CACNG2: variants seen among roughly 807,000 people sequenced by gnomAD.
CACNG2 encodes voltage-dependent calcium channel gamma-2 subunit.
In CACNG2, 3 loss-of-function variants were observed where a neutral mutation model predicts 25.9. The observed-to-expected ratio is 0.12, with a 90% confidence interval of 0.05 to 0.30. The LOEUF (loss-of-function observed/expected upper bound fraction) is 0.30, where lower values mean the gene tolerates loss of function less well. Ranked by LOEUF, CACNG2 falls within the 10% of genes least tolerant of loss-of-function variation. The pLI, the probability that CACNG2 is intolerant of heterozygous loss-of-function variation, is 1.00. For synonymous variants in CACNG2, 167 were observed against 173.3 expected, an observed-to-expected ratio of 0.96 and a Z score of 0.29; for missense variants, 341 against 432.5, an observed-to-expected ratio of 0.79 and a Z score of 1.88.
At chr22:36,594,650 T>C (rs181245058) in intron 1 of CACNG2, among the ~76,000 whole-genome samples, 106 of 152,132 alleles carry the variant, frequency 7.0e-4, no homozygotes, top group African/African-American at 2.4e-3. Flanking sequence ...GAAGTCAGCC[T>C]GATGAAGCAG....
chr22:36,642,735 TCTC>T (rs1272550167), intron 1 of CACNG2, among the ~76,000 whole-genome samples: 1 of 152,136 alleles, frequency 6.6e-6, no homozygotes, highest in African/African-American at 2.4e-5. Context: ...CACTGAAACT[TCTC>T]CTGCAGCTCG....
intron 1 of CACNG2, among the ~76,000 whole-genome samples, chr22:36,618,605 G>C (rs1936060322): frequency 6.6e-6 from 1 of 152,216 alleles, no homozygotes; most frequent in Non-Finnish European, 1.5e-5. Flanking sequence ...AGAGACAACA[G>C]AATGGCCTGC....
At chr22:36,581,952 C>G (rs984526028) in intron 2 of CACNG2, among the ~76,000 whole-genome samples, 3 of 152,192 alleles carry the variant, frequency 2.0e-5, no homozygotes, top group African/African-American at 7.2e-5. Flanking sequence ...TGGGCACGGC[C>G]CCTTGGCACC....
intron 1 of CACNG2, among the ~76,000 whole-genome samples, chr22:36,600,974 G>C (rs965858900): frequency 5.3e-5 from 8 of 152,090 alleles, no homozygotes; most frequent in African/African-American, 1.9e-4. Flanking sequence ...ATCTCACATA[G>C]TACCCAGTTT....
chr22:36,695,366 T>C (rs990118495), intron 1 of CACNG2, among the ~76,000 whole-genome samples: 4 of 152,154 alleles, frequency 2.6e-5, no homozygotes, highest in African/African-American at 9.7e-5. Context: ...ACACAGCTTA[T>C]AAGCAAGAAG....
intron 2 of CACNG2, among the ~76,000 whole-genome samples, chr22:36,571,073 T>G (rs1013788893): frequency 5.3e-5 from 8 of 152,170 alleles, no homozygotes; most frequent in Admixed American, 2.6e-4. Flanking sequence ...GAAATGGGAA[T>G]AGTAAAAATA....
chr22:36,570,043 T>G (rs1935198275), intron 2 of CACNG2, among the ~76,000 whole-genome samples: 1 of 152,136 alleles, frequency 6.6e-6, no homozygotes. Context: ...ACCCACAGGA[T>G]GCCTGCAGGT....
chr22:36,700,686 T>A (rs1937400407), intron 1 of CACNG2, among the ~76,000 whole-genome samples: 1 of 152,214 alleles, frequency 6.6e-6, no homozygotes, highest in African/African-American at 2.4e-5. Flanking sequence ...TTCATTTTTT[T>A]AAGGAGGGGG....
chr22:36,622,916 G>A (rs572408365), intron 1 of CACNG2, among the ~76,000 whole-genome samples: 2 of 148,964 alleles, frequency 1.3e-5, no homozygotes, highest in East Asian at 4.0e-4. Flanking sequence ...CCAAGATTGC[G>A]CCATTGCACT....
chr22:36,686,640 T>G (rs1569052857), intron 1 of CACNG2, among the ~76,000 whole-genome samples: 1 of 152,194 alleles, frequency 6.6e-6, no homozygotes, highest in Non-Finnish European at 1.5e-5. Flanking sequence ...CCCACAAGCA[T>G]GAGTGAGCTG....
chr22:36,617,875 CTAAGGGTTGG>C lies in CACNG2; in HGVS notation c.212-30337_212-30328del, dbSNP rs553889968. On this transcript the variant is annotated intron_variant, in intron 1 of 3. Coordinates refer to ENST00000300105, the MANE Select transcript of CACNG2 (RefSeq NM_006078.5). ...AATTGTGTTGAACACCTGCCACATT[CTAAGGGTTGG>C]TAACCATCAACCCGAACCTTAAAAG... Among the ~76,000 whole-genome samples the C allele has an allele frequency of 3.3e-3, 507 of 151,942 alleles. 1 individual carries two copies. Among genetic ancestry groups the C allele is most frequent in the African/African-American group, 0.011 (476 of 41,412 alleles).
chr22:36,593,724 G>C lies in CACNG2; in HGVS notation c.212-6176C>G, dbSNP rs182939862. Among the ~76,000 whole-genome samples, 4 of 152,204 alleles carry C rather than the reference G, an allele frequency of 2.6e-5. No homozygotes were observed. The East Asian group carries it at 7.7e-4, about 29-fold the overall frequency. ...GTGATGAGTAGGGAGGAGTGATGGGGTAAACTGGGATACAGGTCACTGTGC... is the reference window on the plus strand; with the variant it reads ...GTGATGAGTAGGGAGGAGTGATGGGCTAAACTGGGATACAGGTCACTGTGC... On this transcript the variant is annotated intron_variant, in intron 1 of 3. Transcript: ENST00000300105.
At chr22:36,653,772 C>G (rs540256396) in intron 1 of CACNG2, among the ~76,000 whole-genome samples, 1 of 152,090 alleles carries the variant, frequency 6.6e-6, no homozygotes, top group Non-Finnish European at 1.5e-5. Context: ...GCCTGTGGGA[C>G]CTTCAGGACC....
At chr22:36,593,833 G>C (rs1024888178) in intron 1 of CACNG2, among the ~76,000 whole-genome samples, 7 of 152,020 alleles carry the variant, frequency 4.6e-5, no homozygotes, top group Non-Finnish European at 7.4e-5. Flanking sequence ...CTTGGAGCTC[G>C]GTGGGCCCTG....
chr22:36,585,608 G>T (rs1252482417), intron 2 of CACNG2, among the ~76,000 whole-genome samples: 1 of 152,208 alleles, frequency 6.6e-6, no homozygotes, highest in Non-Finnish European at 1.5e-5. Context: ...CAAGAGCAGA[G>T]TTGGGTAAAT....
intron 1 of CACNG2, among the ~76,000 whole-genome samples, chr22:36,690,567 G>A (rs1937256146): frequency 6.6e-6 from 1 of 152,182 alleles, no homozygotes; most frequent in Non-Finnish European, 1.5e-5. Flanking sequence ...TCTACGTGGA[G>A]CATCCCACCA....
chr22:36,637,617 T>A (rs1373929805), intron 1 of CACNG2, among the ~76,000 whole-genome samples: 1 of 152,134 alleles, frequency 6.6e-6, no homozygotes, highest in Non-Finnish European at 1.5e-5. Context: ...ACAATCGTCC[T>A]GGGGAGGCTG....
At chr22:36,602,382 A>AATAT (rs766342807) in intron 1 of CACNG2, among the ~76,000 whole-genome samples, 2 of 150,528 alleles carry the variant, frequency 1.3e-5, no homozygotes, top group African/African-American at 4.9e-5. Context: ...ACATTCTAAA[A>AATAT]ATATATATAT....
chr22:36,589,016 A>G (rs935519863), intron 1 of CACNG2, among the ~76,000 whole-genome samples: 2 of 136,302 alleles, frequency 1.5e-5, no homozygotes, highest in Non-Finnish European at 3.1e-5. Context: ...CCTGAAATGG[A>G]GTCTCACTCT....
Sources: allele counts gnomAD v4.1 joint callset (sites outside exome capture counted in the v4.1 genomes callset), GRCh38; gene constraint gnomAD v4.1.1; transcripts MANE v1.5; gene names NCBI Gene and HGNC (gene_info 2026-07-23, HGNC 2026-07-21).